TUBGCP4: variants seen among roughly 807,000 people sequenced by gnomAD.
TUBGCP4 encodes the protein gamma-tubulin complex component 4.
In TUBGCP4, 54 loss-of-function variants were observed where a neutral mutation model predicts 91.6. The ratio of observed to expected loss-of-function variants is 0.59; its 90% confidence interval spans 0.47 to 0.74. The LOEUF (loss-of-function observed/expected upper bound fraction) is 0.74. Ranked by LOEUF, TUBGCP4 falls within the 30% of genes least tolerant of loss-of-function variation. The pLI is 0.00. For synonymous variants in TUBGCP4, 297 were observed against 302.8 expected (o/e 0.98, Z 0.20); for missense variants, 593 against 800.9 (o/e 0.74, Z 3.13).
At chr15:43,400,598 CTT>C (rs768267923) in intron 14 of TUBGCP4, among the ~76,000 whole-genome samples, 15 of 152,126 alleles carry the variant, frequency 9.9e-5, no homozygotes, top group Admixed American at 7.9e-4. Flanking sequence ...TGGATTCTCA[CTT>C]TGTTGCCCAG....
At chr15:43,400,833 G>A (rs920978375) in intron 14 of TUBGCP4, among the ~76,000 whole-genome samples, 4 of 151,626 alleles carry the variant, frequency 2.6e-5, no homozygotes, top group Non-Finnish European at 4.4e-5. Flanking sequence ...CAGGAGAATC[G>A]CTTGAACCTG....
At position 43,408,340 on chromosome 15, in the gene TUBGCP4, G is replaced by C; in HGVS notation, c.*3126G>C. 2.7e-6 allele frequency: 1 copy of C among 376,106 alleles called. No individual in the cohort carries two copies. The highest frequency in any genetic ancestry group is 3.1e-5 in the South Asian group (1 of 32,418). The allele number at this position is 376,106 out of a possible 1,614,324, so 23.3% of individuals were successfully genotyped here. A position where few individuals can be genotyped will look rare whatever the true frequency, so the allele number is the denominator to read the frequency against. On this transcript the variant is annotated 3_prime_UTR_variant, in exon 18 of 18. Coordinates refer to ENST00000564079, the MANE Select transcript of TUBGCP4 (RefSeq NM_014444.5). ...AAAAGACAACAAAAAAATTAGCTGG[G>C]TGTGGTGGCGAGTGCCTGTAGTCCC...
At chr15:43,383,749 AGCT>A (rs2044318126) in intron 7 of TUBGCP4, among the ~76,000 whole-genome samples, 1 of 151,998 alleles carries the variant, frequency 6.6e-6, no homozygotes, top group Admixed American at 6.6e-5. Flanking sequence ...TTACTTATGT[AGCT>A]ACTCTAATGG....
chr15:43,404,768 G>C (rs1322199034), intron 17 of TUBGCP4: 3 of 582,420 alleles, frequency 5.2e-6, no homozygotes, highest in Non-Finnish European at 8.8e-6. Flanking sequence ...CTGACAGTGA[G>C]ATAGGTGTTA....
At position 43,383,456 on chromosome 15, in the gene TUBGCP4, G is replaced by A. The variant is rs772158697; in HGVS notation, c.675G>A (p.Leu225=). 1.2e-6 allele frequency: 2 copies of A among 1,613,690 alleles called. No individual in the cohort carries two copies. Among genetic ancestry groups the A allele is most frequent in the South Asian group, 2.2e-5 (2 of 91,004 alleles). ...AGCCAGAAGAGGACGAGGAGGATCT[G>A]GGCATTGGGGGACTGACAGGAAAAC... The part of the protein sequence containing the change: ...SAQPEEDEED[L]GIGGLTGKQL... Residue 225 remains leucine, a synonymous_variant, in exon 7 of 18, where the codon CTG becomes CTA. Coordinates refer to ENST00000564079, the MANE Select transcript of TUBGCP4 (RefSeq NM_014444.5).
rs2044868977 is a variant in TUBGCP4, at chr15:43,406,179, G to A, written c.*965G>A. 1 of 154,838 alleles carries A rather than the reference G, an allele frequency of 6.5e-6. No homozygotes were observed. The highest frequency in any genetic ancestry group is 2.4e-5 in the African/African-American group (1 of 41,418). The allele number at this position is 154,838 out of a possible 1,614,324, so 9.6% of individuals were successfully genotyped here. A position where few individuals can be genotyped will look rare whatever the true frequency, so the allele number is the denominator to read the frequency against. On this transcript the variant is annotated 3_prime_UTR_variant, in exon 18 of 18. Coordinates refer to ENST00000564079, the MANE Select transcript of TUBGCP4 (RefSeq NM_014444.5). ...CCATCTTACACAAACCATAGGGGTT[G>A]AAGTTATCTTAATATGGCCCAGCCA...
rs1212440700 is a variant in TUBGCP4, at chr15:43,406,900, CAG to C, written c.*1695_*1696del. 1.2e-5 allele frequency: 3 copies of C among 259,208 alleles called. No individual in the cohort carries two copies. In the South Asian group the frequency reaches 1.4e-4, roughly 12 times the overall value. 16.1% of individuals were successfully genotyped at this position (259,208 alleles called of 1,614,324 possible). On this transcript the variant is annotated 3_prime_UTR_variant, in exon 18 of 18. Coordinates refer to ENST00000564079, the MANE Select transcript of TUBGCP4 (RefSeq NM_014444.5). ...CCACAGGTGAGCTGTGATCTCAGCT[CAG>C]AGAGAGAGCATGAGGTCTTTTTTAA...
chr15:43,404,404 TC>T lies in TUBGCP4; in HGVS notation c.1849-8del, dbSNP rs2044787151. On this transcript the variant is annotated splice_region_variant and splice_polypyrimidine_tract_variant and intron_variant, in intron 16 of 17. Coordinates refer to ENST00000564079, the MANE Select transcript of TUBGCP4 (RefSeq NM_014444.5). ...AAGTGGAATGACAGCTGAGTCCTTC[TC>T]TCTGCAGGGCTTTAGCCGCCAGTCT... 6.2e-7 allele frequency: 1 copy of T among 1,613,884 alleles called. No homozygotes were observed. The highest frequency in any genetic ancestry group is 1.1e-5 in the South Asian group (1 of 91,060).
chr15:43,385,676 T>G, intron 7 of TUBGCP4, 115 bp from the exon 8 acceptor site: 1 of 1,102,908 alleles, frequency 9.1e-7, no homozygotes. Flanking sequence ...AACACCAGAT[T>G]TGAAGTCCCT....
chr15:43,398,382 T>TAAAA (rs3038777), intron 13 of TUBGCP4: 4 of 277,312 alleles, frequency 1.4e-5, no homozygotes, highest in African/African-American at 6.9e-5. Flanking sequence ...CCCCATCTCA[T>TAAAA]AAAAAAAAAA....
At chr15:43,381,465 G>A (rs1255196772) in intron 6 of TUBGCP4, among the ~76,000 whole-genome samples, 1 of 152,102 alleles carries the variant, frequency 6.6e-6, no homozygotes, top group African/African-American at 2.4e-5. Flanking sequence ...GGCTGGGCTC[G>A]GTGGCTCACG....
chr15:43,383,543 G>C (rs770963506), intron 7 of TUBGCP4, 39 bp downstream of exon 7: 1 of 1,526,292 alleles, frequency 6.6e-7, no homozygotes, highest in South Asian at 1.3e-5. Context: ...CTCCTGCCAG[G>C]AGTCAGAAAA....
chr15:43,404,356 C>A, intron 16 of TUBGCP4, 57 bp from the exon 17 acceptor site: 1 of 1,607,420 alleles, frequency 6.2e-7, no homozygotes, highest in Non-Finnish European at 8.5e-7. Flanking sequence ...CCCCCATCCT[C>A]CATATGGAGA....
chr15:43,395,658 A>C lies in TUBGCP4; in HGVS notation c.1141A>C (p.Lys381Gln). ...AFIDTAQHML[K>Q]TPPTAVTEHD... ...CATTGACACAGCTCAACACATGTTG[A>C]AAACACCACCCACTGCAGTAACTGA... The change falls in exon 11 of 18, where the codon AAA (lysine) becomes CAA (glutamine). Residue 381 changes from lysine to glutamine, a missense_variant. Coordinates refer to ENST00000564079, the MANE Select transcript of TUBGCP4 (RefSeq NM_014444.5). 6.2e-7 allele frequency: 1 copy of C among 1,614,094 alleles called. No individual in the cohort carries two copies. The highest frequency in any genetic ancestry group is 8.5e-7 in the Non-Finnish European group (1 of 1,179,930).
rs1241514377 is a variant in TUBGCP4, at chr15:43,371,286, C to A, written c.-69C>A. 2 of 1,521,940 alleles carry A rather than the reference C, an allele frequency of 1.3e-6. No homozygotes were observed. The highest frequency in any genetic ancestry group is 1.8e-6 in the Non-Finnish European group (2 of 1,110,916). The allele number at this position is 1,521,940 out of a possible 1,614,324, so 94.3% of individuals were successfully genotyped here. ...CGCGTGTGGAAGGGGAAGCACTCCC[C>A]TCGTGGTCGCCTGGAGGTGCGCTGG... On this transcript the variant is annotated 5_prime_UTR_variant, in exon 1 of 18. Coordinates refer to ENST00000564079, the MANE Select transcript of TUBGCP4 (RefSeq NM_014444.5).
intron 14 of TUBGCP4, among the ~76,000 whole-genome samples, chr15:43,400,949 C>T (rs1488184813): frequency 1.3e-5 from 2 of 151,980 alleles, no homozygotes; most frequent in East Asian, 3.9e-4. Flanking sequence ...TTCAAATGAT[C>T]CTCCTGCCTT....
intron 4 of TUBGCP4, among the ~76,000 whole-genome samples, chr15:43,377,285 T>C (rs1385256536): frequency 1.3e-5 from 2 of 152,220 alleles, no homozygotes; most frequent in Admixed American, 6.5e-5. Context: ...GTTACTGCTC[T>C]ATATGGACAT....
rs2044994437 is a variant in TUBGCP4 at position 43,408,445 on chromosome 15, T to TG, written c.*3231_*3232insG. The TG allele has an allele frequency of 3.7e-6, 1 of 270,088 alleles. No homozygotes were observed. Among genetic ancestry groups the TG allele is most frequent in the African/African-American group, 2.2e-5 (1 of 44,606 alleles). The allele number at this position is 270,088 out of a possible 1,614,324, so 16.7% of individuals were successfully genotyped here. A position where few individuals can be genotyped will look rare whatever the true frequency, so the allele number is the denominator to read the frequency against. On this transcript the variant is annotated 3_prime_UTR_variant, in exon 18 of 18. Transcript: ENST00000564079. ...GCAGTAAGTCGTCACTGCGCCACTG[T>TG]ACTCCAGCCTAGGTGACAGAGCAAG... is the stretch of plus-strand genomic sequence containing the variant.
chr15:43,402,672 T>C (rs1164793107), intron 15 of TUBGCP4: 1 of 152,192 alleles, frequency 6.6e-6, no homozygotes, highest in Non-Finnish European at 1.5e-5. Context: ...TTTAAAAAAA[T>C]CTAGGTGACA....
Sources: gnomAD v4.1 joint callset for allele counts (sites outside exome capture counted in the v4.1 genomes callset) on GRCh38, gnomAD v4.1.1 for gene constraint, MANE v1.5 for transcripts, NCBI Gene and HGNC (gene_info 2026-07-23, HGNC 2026-07-21) for gene names.